AKAP17A: variants seen among roughly 807,000 people sequenced by gnomAD.
The protein encoded by AKAP17A is A-kinase anchor protein 17A.
In AKAP17A, 15 loss-of-function variants were observed where a neutral mutation model predicts 52.2. That is an observed-to-expected ratio of 0.29 (90% CI 0.19 to 0.44). The LOEUF (loss-of-function observed/expected upper bound fraction) is 0.44. Among genes scored for constraint, AKAP17A ranks in the 20% least tolerant of loss-of-function variants. The probability of loss-of-function intolerance (pLI) is 1.00; values close to 1 mark genes in which losing one functional copy is unlikely to be tolerated. For missense variants in AKAP17A, 1,060 were observed against 1,007.0 expected (o/e 1.05, Z -0.71); for synonymous variants, 514 against 424.7 (o/e 1.21, Z -2.58).
intron 2 of AKAP17A, among the ~76,000 whole-genome samples, chrX:1,594,487 G>A (rs1932902166): frequency 6.6e-6 from 1 of 152,174 alleles, no homozygotes; most frequent in Non-Finnish European, 1.5e-5. Context: ...GAGGGATGGA[G>A]CCTCAGGAAC....
rs1569355504 is a variant in AKAP17A, at chrX:1,600,887, GCCGACCTGCTGCAGC to G, written c.1385_1399del (p.Asp462_Pro466del). Reference sequence around the variant, plus strand: ...ACACGACGAGCTGGGCGTGGCACACGCCGACCTGCTGCAGCCCGTCCTGGACATCCTGCAGACCGT... The same window carrying G: ...ACACGACGAGCTGGGCGTGGCACACGCCGTCCTGGACATCCTGCAGACCGT... On this transcript the variant is annotated inframe_deletion, in exon 5 of 5. Coordinates refer to ENST00000313871, the MANE Select transcript of AKAP17A (RefSeq NM_005088.3). 3 of 1,579,400 alleles carry G rather than the reference GCCGACCTGCTGCAGC, an allele frequency of 1.9e-6. No homozygotes were observed. The South Asian group carries it at 3.4e-5, about 18-fold the overall frequency.
intron 3 of AKAP17A, among the ~76,000 whole-genome samples, chrX:1,596,568 T>C (rs1425645707): frequency 4.0e-4 from 48 of 120,902 alleles, no homozygotes; most frequent in African/African-American, 1.4e-3. Flanking sequence ...CCTAGTGAGG[T>C]GGATTCCTCC....
chrX:1,593,702 G>C lies in AKAP17A; in HGVS notation c.240G>C (p.Glu80Asp), dbSNP rs771046082. ...SKSTMDFIRF[E>D]GEVENKSLVK... Reference sequence around the variant, plus strand: ...GCACCATGGACTTCATCCGCTTCGAGGGGGAGGTGGAGAACAAGAGCCTGG... The same window carrying C: ...GCACCATGGACTTCATCCGCTTCGACGGGGAGGTGGAGAACAAGAGCCTGG... Residue 80 changes from glutamate to aspartate, a missense_variant, in exon 2 of 5, where the codon GAG becomes GAC. By Grantham distance (45) the Glu-to-Asp change is conservative. Transcript: ENST00000313871. 1 of 1,613,990 alleles carries C rather than the reference G, an allele frequency of 6.2e-7. No homozygotes were observed. The highest frequency in any genetic ancestry group is 8.5e-7 in the Non-Finnish European group (1 of 1,179,880).
chrX:1,592,287 G>A (rs1307041976), intron 1 of AKAP17A, among the ~76,000 whole-genome samples: 2 of 151,918 alleles, frequency 1.3e-5, no homozygotes, highest in Non-Finnish European at 2.9e-5. Context: ...GTGGCCAAGG[G>A]CCTGAGAATG....
At position 1,595,493 on chromosome X, in the gene AKAP17A, G is replaced by A; in HGVS notation, c.872G>A (p.Arg291Lys). The change falls in exon 3 of 5, where the codon AGA (arginine) becomes AAA (lysine). Residue 291 changes from arginine to lysine, a missense_variant. Coordinates refer to ENST00000313871, the MANE Select transcript of AKAP17A (RefSeq NM_005088.3). ...LEQQREEQKR[R>K]EKEAEERQRA... Reference sequence around the variant, plus strand: ...CAGCAAAGAGAAGAACAAAAGCGCAGAGAGAAGGAAGCGGAGGAGAGGCAG... The same window carrying A: ...CAGCAAAGAGAAGAACAAAAGCGCAAAGAGAAGGAAGCGGAGGAGAGGCAG... The A allele has an allele frequency of 6.2e-7, 1 of 1,614,014 alleles. No individual in the cohort carries two copies. Among genetic ancestry groups the A allele is most frequent in the South Asian group, 1.1e-5 (1 of 91,082 alleles).
chrX:1,592,551 T>C (rs2149439387), intron 1 of AKAP17A, among the ~76,000 whole-genome samples: 1 of 152,102 alleles, frequency 6.6e-6, no homozygotes, highest in African/African-American at 2.4e-5. Context: ...ACTGACCTTT[T>C]CTGGTCGCTT....
chrX:1,601,675 C>T lies in AKAP17A; in HGVS notation c.*81C>T. On this transcript the variant is annotated 3_prime_UTR_variant, in exon 5 of 5. Coordinates refer to ENST00000313871, the MANE Select transcript of AKAP17A (RefSeq NM_005088.3). ...CTCCTGGCCGCTCCTTGGCCGCTCT[C>T]CGTCCACCCCTGCAAAGCCAAGACC... is the stretch of plus-strand genomic sequence containing the variant. The T allele has an allele frequency of 7.7e-7, 1 of 1,291,086 alleles. No individual in the cohort carries two copies. The highest frequency in any genetic ancestry group is 1.0e-6 in the Non-Finnish European group (1 of 1,001,292). The allele number at this position is 1,291,086 out of a possible 1,614,324, so 80.0% of individuals were successfully genotyped here.
chrX:1,599,637 G>A (rs753219847), intron 4 of AKAP17A: 103 of 813,368 alleles, frequency 1.3e-4, no homozygotes, highest in Non-Finnish European at 1.6e-4. Flanking sequence ...GAGCTGTGAC[G>A]GTTTCCTTTT....
chrX:1,598,980 G>C (rs1217982225), intron 3 of AKAP17A, among the ~76,000 whole-genome samples: 8 of 152,200 alleles, frequency 5.3e-5, no homozygotes, highest in Admixed American at 1.3e-4. Context: ...TAGCAGGACG[G>C]TGTGTTGGAA....
At chrX:1,592,283 A>G (rs1389277385) in intron 1 of AKAP17A, among the ~76,000 whole-genome samples, 2 of 151,832 alleles carry the variant, frequency 1.3e-5, no homozygotes, top group African/African-American at 2.4e-5. Context: ...CCGAGTGGCC[A>G]AGGGCCTGAG....
rs1933380871 is a variant in AKAP17A at position 1,601,486 on chromosome X, CCGGGAGCGGAGG to C, written c.1981_1992del (p.Arg661_Arg664del). ...AAGACAGGCACCGGAGGGAGCGGAG[CCGGGAGCGGAGG>C]GGCAGCGCCAGCAGGAAGCACAGCC... On this transcript the variant is annotated inframe_deletion, in exon 5 of 5. Transcript: ENST00000313871. 1 of 1,559,022 alleles carries C rather than the reference CCGGGAGCGGAGG, an allele frequency of 6.4e-7. No individual in the cohort carries two copies. The highest frequency in any genetic ancestry group is 8.6e-7 in the Non-Finnish European group (1 of 1,160,418).
At chrX:1,600,556 C>T in intron 4 of AKAP17A, 103 bp from the exon 5 acceptor site, 2 of 1,179,624 alleles carry the variant, frequency 1.7e-6, no homozygotes, top group Non-Finnish European at 2.3e-6. Flanking sequence ...GCTGATCCTG[C>T]ATCCCCAGAC....
At chrX:1,600,569 T>G in intron 4 of AKAP17A, 90 bp from the exon 5 acceptor site, 1 of 1,269,774 alleles carries the variant, frequency 7.9e-7, no homozygotes, top group Non-Finnish European at 1.1e-6. Flanking sequence ...CCCCAGACCA[T>G]GGGGCCTCCA....
chrX:1,597,389 C>T (rs1378892029), intron 3 of AKAP17A, among the ~76,000 whole-genome samples: 3 of 152,162 alleles, frequency 2.0e-5, no homozygotes, highest in Non-Finnish European at 4.4e-5. Context: ...AGGCAGGCAG[C>T]ACAGAGAGGC....
At chrX:1,596,226 T>TAAAAAAAA (rs561491812) in intron 3 of AKAP17A, among the ~76,000 whole-genome samples, 3 of 133,968 alleles carry the variant, frequency 2.2e-5, no homozygotes, top group African/African-American at 2.8e-5. Context: ...TGGCCAGATT[T>TAAAAAAAA]AAAAAAAAAA....
At chrX:1,593,353 G>A (rs1287413833) in intron 1 of AKAP17A, 91 bp from the exon 2 acceptor site, 29 of 1,295,216 alleles carry the variant, frequency 2.2e-5, no homozygotes, top group Non-Finnish European at 2.8e-5. Context: ...TCTCTTCTCC[G>A]GGTCCAGAAA....
chrX:1,592,227 C>T (rs1180329847), intron 1 of AKAP17A, among the ~76,000 whole-genome samples: 1 of 151,438 alleles, frequency 6.6e-6, no homozygotes, highest in Non-Finnish European at 1.5e-5. Flanking sequence ...TATTGGGGCT[C>T]ATCCAGGAGG....
At position 1,593,939 on chromosome X, in the gene AKAP17A, C is replaced by T. The variant is rs778006272; in HGVS notation, c.477C>T (p.Phe159=). The change falls in exon 2 of 5, where the codon TTC becomes TTT. Residue 159 remains phenylalanine (F), a synonymous_variant. Coordinates refer to ENST00000313871, the MANE Select transcript of AKAP17A (RefSeq NM_005088.3). ...IHLEGLPCKW[F]ALKESGSEKP... ...TGGAGGGGCTGCCCTGCAAGTGGTTCGCCCTGAAGGAGTCGGGCTCCGAGA... is the reference window on the plus strand; with the variant it reads ...TGGAGGGGCTGCCCTGCAAGTGGTTTGCCCTGAAGGAGTCGGGCTCCGAGA... 29 of 1,609,046 alleles carry T rather than the reference C, an allele frequency of 1.8e-5. No individual in the cohort carries two copies. In the African/African-American group the frequency reaches 1.9e-4, roughly 10 times the overall value.
At chrX:1,598,742 G>A (rs1399790251) in intron 3 of AKAP17A, among the ~76,000 whole-genome samples, 1 of 152,302 alleles carries the variant, frequency 6.6e-6, no homozygotes, top group African/African-American at 2.4e-5. Context: ...GTGCTGTGTG[G>A]TGCCCTCACA....
Sources: allele counts gnomAD v4.1 joint callset (sites outside exome capture counted in the v4.1 genomes callset), GRCh38; gene constraint gnomAD v4.1.1; transcripts MANE v1.5; gene names NCBI Gene and HGNC (gene_info 2026-07-23, HGNC 2026-07-21).